TASP1: variants seen among roughly 807,000 people sequenced by gnomAD.
TASP1 encodes taspase 1.
TASP1 carries 16 observed loss-of-function variants against 56.6 expected under a neutral mutation model. The observed-to-expected ratio is 0.28, with a 90% confidence interval of 0.19 to 0.43. The LOEUF (loss-of-function observed/expected upper bound fraction) is 0.43. Ranked by LOEUF, TASP1 falls within the 20% of genes least tolerant of loss-of-function variation. The probability of loss-of-function intolerance (pLI) is 1.00; values close to 1 mark genes in which losing one functional copy is unlikely to be tolerated. For missense variants in TASP1, 393 were observed against 511.6 expected, an observed-to-expected ratio of 0.77 and a Z score of 2.24; for synonymous variants, 179 against 184.2, an observed-to-expected ratio of 0.97 and a Z score of 0.23.
intron 1 of TASP1, among the ~76,000 whole-genome samples, chr20:13,633,840 A>C (rs1446223505): frequency 6.6e-6 from 1 of 152,194 alleles, no homozygotes; most frequent in Non-Finnish European, 1.5e-5. Context: ...CAAAAAAAAA[A>C]AAAACTTCTA....
chr20:13,580,910 T>C lies in TASP1; in HGVS notation c.475A>G (p.Arg159Gly), dbSNP rs751048210. Residue 159 changes from arginine to glycine, a missense_variant, in exon 6 of 14, where the codon AGA (arginine) becomes GGA (glycine). Physicochemically the swap from Arg to Gly is moderately radical, Grantham distance 125 (BLOSUM62 -2). This residue lies in a region of TASP1 where 293 missense variants were observed against 354.2 expected (regional missense o/e 0.83). Coordinates refer to ENST00000337743, the MANE Select transcript of TASP1 (RefSeq NM_017714.3). The part of the protein sequence containing the change: ...EGQKGKLSAG[R>G]IPPCFLVGEG... ...CAAAGTGGTTACCAGGGAGGAATTCTGCCAGCCGAGAGCTTGCCCTTCTGC... is the reference window on the plus strand; with the variant it reads ...CAAAGTGGTTACCAGGGAGGAATTCCGCCAGCCGAGAGCTTGCCCTTCTGC... 6.2e-7 allele frequency: 1 copy of C among 1,613,418 alleles called. No homozygotes were observed. The highest frequency in any genetic ancestry group is 1.7e-5 in the Admixed American group (1 of 59,964).
At chr20:13,469,551 TAAGAAGAAAGGAAG>T (rs780941531) in intron 11 of TASP1, among the ~76,000 whole-genome samples, 5 of 152,064 alleles carry the variant, frequency 3.3e-5, no homozygotes, top group African/African-American at 4.8e-5. Flanking sequence ...TTCCTATTTG[TAAGAAGAAAGGAAG>T]AAGAGAAAAA....
the TASP1 span, among the ~76,000 whole-genome samples, chr20:13,177,789 A>G: frequency 3.3e-5 from 5 of 152,172 alleles, no homozygotes; most frequent in Admixed American, 2.6e-4. Flanking sequence ...CTAAATGTAA[A>G]CCTGAAACAA....
the TASP1 span, among the ~76,000 whole-genome samples, chr20:13,185,216 A>G: frequency 6.6e-6 from 1 of 152,162 alleles, no homozygotes; most frequent in Non-Finnish European, 1.5e-5. Flanking sequence ...TCTACTTATT[A>G]AAAATATGAA....
chr20:13,477,127 T>C lies in TASP1; in HGVS notation c.985+6100A>G, dbSNP rs572972355. ...TTGTTCTTCCTATGACAGCTACTGT[T>C]CACATAAAATATTAATTGAATATAA... On this transcript the variant is annotated intron_variant, in intron 11 of 13. Transcript: ENST00000337743. 2.6e-5 allele frequency among the ~76,000 whole-genome samples: 4 copies of C among 152,180 alleles called. No homozygotes were observed. The South Asian group carries it at 6.2e-4, about 24-fold the overall frequency.
intron 13 of TASP1, among the ~76,000 whole-genome samples, chr20:13,402,039 G>T (rs1017523756): frequency 1.5e-4 from 23 of 152,100 alleles, no homozygotes; most frequent in African/African-American, 5.6e-4. Flanking sequence ...AACATGGAGG[G>T]TCTACAAGTC....
the TASP1 span, among the ~76,000 whole-genome samples, chr20:13,340,584 G>GATTATT: frequency 6.6e-6 from 1 of 150,738 alleles, no homozygotes; most frequent in Non-Finnish European, 1.5e-5. Context: ...CTGATATTTT[G>GATTATT]ACACAAGCAT....
chr20:13,373,703 T>G, the TASP1 span, among the ~76,000 whole-genome samples: 1 of 152,132 alleles, frequency 6.6e-6, no homozygotes, highest in South Asian at 2.1e-4. Flanking sequence ...AATTTCAGTA[T>G]TTTTTCTATG....
the TASP1 span, among the ~76,000 whole-genome samples, chr20:13,146,022 A>G: frequency 2.6e-4 from 39 of 152,366 alleles, 1 homozygote; most frequent in East Asian, 7.1e-3. Flanking sequence ...CATGGAATCA[A>G]CCTAAATCCT....
chr20:13,256,019 C>G, the TASP1 span, among the ~76,000 whole-genome samples: 2 of 151,842 alleles, frequency 1.3e-5, no homozygotes, highest in African/African-American at 4.8e-5. Context: ...GCAGTGATAC[C>G]CAAGCAGCCA....
intron 12 of TASP1, among the ~76,000 whole-genome samples, chr20:13,417,963 A>G (rs2042315332): frequency 6.6e-6 from 1 of 152,198 alleles, no homozygotes; most frequent in Non-Finnish European, 1.5e-5. Flanking sequence ...TCCAGGCTTG[A>G]GTGCAATGGC....
At chr20:13,528,096 G>A (rs1203916702) in intron 10 of TASP1, among the ~76,000 whole-genome samples, 1 of 151,450 alleles carries the variant, frequency 6.6e-6, no homozygotes, top group Non-Finnish European at 1.5e-5. Context: ...GGTGGTGCAC[G>A]CCTGTAATCC....
chr20:13,485,518 G>A (rs1449631412), intron 10 of TASP1, among the ~76,000 whole-genome samples: 1 of 152,110 alleles, frequency 6.6e-6, no homozygotes, highest in Non-Finnish European at 1.5e-5. Context: ...TGGCTTCCCT[G>A]TATTTTTGGT....
chr20:13,225,751 A>G, the TASP1 span, among the ~76,000 whole-genome samples: 1 of 152,240 alleles, frequency 6.6e-6, no homozygotes, highest in African/African-American at 2.4e-5. Flanking sequence ...AAATGCATGG[A>G]AACATCAACT....
At position 13,483,363 on chromosome 20, in the gene TASP1, T is replaced by C. The variant is rs752644393; in HGVS notation, c.875-26A>G. 13 of 1,508,142 alleles carry C rather than the reference T, an allele frequency of 8.6e-6. No individual in the cohort carries two copies. In the East Asian group the frequency reaches 3.2e-4, roughly 37 times the overall value. 93.4% of individuals were successfully genotyped at this position (1,508,142 alleles called of 1,614,324 possible). On this transcript the variant is annotated intron_variant, in intron 10 of 13. Transcript: ENST00000337743. ...CTAGAAATCCAAAGAAACCAACAGT[T>C]GAGGAAAAGCAGCACCGAACACCCT...
the TASP1 span, among the ~76,000 whole-genome samples, chr20:13,125,139 A>G: frequency 6.6e-6 from 1 of 152,150 alleles, no homozygotes; most frequent in Non-Finnish European, 1.5e-5. Context: ...CACCCAACTG[A>G]GCACCTGCAG....
Position 13,390,206 on chromosome 20 carries a change from C to CTAACTACAGTTAGCT in TASP1, c.*153_*154insAGCTAACTGTAGTTA, listed in dbSNP as rs1283867535. On this transcript the variant is annotated 3_prime_UTR_variant, in exon 14 of 14. Transcript: ENST00000337743. The stretch of plus-strand genomic sequence containing the variant: ...CACCAAAGGCCCGCGTGTCACTAAG[C>CTAACTACAGTTAGCT]GCTAACTACAGCAGCACTTGTGTCT... 11 of 654,868 alleles carry CTAACTACAGTTAGCT rather than the reference C, an allele frequency of 1.7e-5. No homozygotes were observed. In the African/African-American group the frequency reaches 1.8e-4, roughly 11 times the overall value. 40.6% of individuals were successfully genotyped at this position (654,868 alleles called of 1,614,324 possible). A position where few individuals can be genotyped will look rare whatever the true frequency, so the allele number is the denominator to read the frequency against.
chr20:13,415,994 A>C (rs2042241615), intron 13 of TASP1, among the ~76,000 whole-genome samples: 1 of 152,224 alleles, frequency 6.6e-6, no homozygotes, highest in Non-Finnish European at 1.5e-5. Flanking sequence ...AGAAGAAATG[A>C]ATCTGAAAAT....
chr20:13,383,095 G>A, the TASP1 span, among the ~76,000 whole-genome samples: 1 of 152,296 alleles, frequency 6.6e-6, no homozygotes, highest in East Asian at 1.9e-4. Context: ...AAGGAGGCCA[G>A]AGAAATAGTA....
Sources: gnomAD v4.1 joint callset for allele counts (sites outside exome capture counted in the v4.1 genomes callset) on GRCh38, gnomAD v4.1.1 for gene constraint, gnomAD v4.1.1 regional missense constraint, MANE v1.5 for transcripts, NCBI Gene and HGNC (gene_info 2026-07-23, HGNC 2026-07-21) for gene names.